The following TNIK variants were observed in gnomAD, a reference collection of about 807,000 sequenced individuals.
TNIK encodes TRAF2 and NCK-interacting protein kinase.
TNIK carries 49 observed loss-of-function variants against 191.3 expected under a neutral mutation model. The ratio of observed to expected loss-of-function variants is 0.26; its 90% CI spans 0.20 to 0.32. TNIK has a LOEUF of 0.32. TNIK is among the 10% of genes least tolerant of loss of function. TNIK has a pLI of 1.00. For synonymous variants in TNIK, 594 were observed against 600.9 expected (o/e 0.99, Z 0.17); for missense variants, 1,155 against 1,702.3 (o/e 0.68, Z 5.66).
At chr3:171,185,872 A>C (rs1385376778) in intron 7 of TNIK, among the ~76,000 whole-genome samples, 2 of 152,190 alleles carry the variant, frequency 1.3e-5, no homozygotes, top group African/African-American at 4.8e-5. Context: ...TTGTGGTAAG[A>C]AATCTAATAA....
chr3:171,220,717 C>T (rs1483938413), intron 3 of TNIK, among the ~76,000 whole-genome samples: 1 of 152,072 alleles, frequency 6.6e-6, no homozygotes, highest in Admixed American at 6.6e-5. Flanking sequence ...CACTAGGGGG[C>T]TAAGGGAATT....
At chr3:171,322,238 A>G (rs1297043501) in intron 2 of TNIK, among the ~76,000 whole-genome samples, 1 of 152,188 alleles carries the variant, frequency 6.6e-6, no homozygotes, top group East Asian at 1.9e-4. Context: ...GATTTTTTGT[A>G]GATTCACAGA....
chr3:171,415,708 C>T (rs545500115), intron 1 of TNIK, among the ~76,000 whole-genome samples: 7 of 151,868 alleles, frequency 4.6e-5, no homozygotes, highest in South Asian at 2.1e-4. Context: ...TAGCTGGGCA[C>T]GATGACTCAA....
chr3:171,156,869 A>G (rs758290553), intron 12 of TNIK, among the ~76,000 whole-genome samples: 4 of 152,248 alleles, frequency 2.6e-5, no homozygotes, highest in Non-Finnish European at 5.9e-5. Context: ...CTACTCTTCC[A>G]TACTTGAAAT....
intron 16 of TNIK, 53 bp downstream of exon 16, chr3:171,128,661 G>C (rs532331931): frequency 6.5e-7 from 1 of 1,549,108 alleles, no homozygotes; most frequent in East Asian, 2.3e-5. Context: ...TTTAATAATA[G>C]GTTTTCTTGT....
chr3:171,233,516 C>G (rs575248452), intron 2 of TNIK, among the ~76,000 whole-genome samples: 2 of 152,230 alleles, frequency 1.3e-5, no homozygotes, highest in Admixed American at 1.3e-4. Flanking sequence ...TTCTCGAGTA[C>G]AGACTGAAGT....
chr3:171,327,095 A>G (rs1755855232), intron 2 of TNIK, among the ~76,000 whole-genome samples: 1 of 152,230 alleles, frequency 6.6e-6, no homozygotes, highest in South Asian at 2.1e-4. Flanking sequence ...CTACTTTAAG[A>G]TAAAAATGAT....
chr3:171,382,077 C>A (rs375717460), intron 1 of TNIK, among the ~76,000 whole-genome samples: 1 of 152,108 alleles, frequency 6.6e-6, no homozygotes, highest in African/African-American at 2.4e-5. Context: ...CAGCTGAAAT[C>A]TAATTGATTT....
At chr3:171,171,800 G>A (rs1377354408) in intron 9 of TNIK, among the ~76,000 whole-genome samples, 12 of 152,298 alleles carry the variant, frequency 7.9e-5, no homozygotes, top group Admixed American at 6.5e-5. Flanking sequence ...ATCTACGCAC[G>A]CACAAGAGAC....
At chr3:171,135,093 A>T (rs921011898) in intron 15 of TNIK, among the ~76,000 whole-genome samples, 2 of 152,224 alleles carry the variant, frequency 1.3e-5, no homozygotes, top group African/African-American at 4.8e-5. Context: ...TGCATTTGAA[A>T]AAAAGAAAAT....
intron 22 of TNIK, among the ~76,000 whole-genome samples, chr3:171,101,104 AG>A (rs1723475584): frequency 6.6e-6 from 1 of 152,052 alleles, no homozygotes; most frequent in Non-Finnish European, 1.5e-5. Context: ...CCATGATTTC[AG>A]TGTTTCAGTT....
intron 2 of TNIK, among the ~76,000 whole-genome samples, chr3:171,241,620 T>G (rs958757530): frequency 1.3e-5 from 2 of 152,190 alleles, no homozygotes; most frequent in Admixed American, 1.3e-4. Flanking sequence ...ATGCTTTATT[T>G]AAATATTAGC....
At chr3:171,198,885 A>T (rs1202796469) in intron 4 of TNIK, among the ~76,000 whole-genome samples, 1 of 152,182 alleles carries the variant, frequency 6.6e-6, no homozygotes, top group Non-Finnish European at 1.5e-5. Context: ...TCCCATTTTG[A>T]AAAGTACATT....
chr3:171,325,435 G>C (rs994304136), intron 2 of TNIK, among the ~76,000 whole-genome samples: 3 of 151,988 alleles, frequency 2.0e-5, no homozygotes, highest in Non-Finnish European at 2.9e-5. Flanking sequence ...AAAACTTCAG[G>C]AAACACAATT....
Position 171,079,501 on chromosome 3 carries a change from C to A in TNIK, c.3448+17G>T. 1 of 1,605,500 alleles carries A rather than the reference C, an allele frequency of 6.2e-7. No homozygotes were observed. Among genetic ancestry groups the A allele is most frequent in the East Asian group, 2.2e-5 (1 of 44,796 alleles). On this transcript the variant is annotated intron_variant, in intron 28 of 32. Coordinates refer to ENST00000436636, the MANE Select transcript of TNIK (RefSeq NM_015028.4). ...AGTAAACAGACCAAACTTATAATTC[C>A]ATGTCTTGAGACTTACCAACTTTAT... is the stretch of plus-strand genomic sequence containing the variant.
intron 4 of TNIK, among the ~76,000 whole-genome samples, chr3:171,201,123 G>A (rs1023034215): frequency 6.6e-5 from 10 of 152,290 alleles, no homozygotes; most frequent in African/African-American, 2.2e-4. Context: ...ATAGGGGCTG[G>A]GCACAGTGGC....
At chr3:171,137,108 C>CTTT (rs71176593) in intron 15 of TNIK, among the ~76,000 whole-genome samples, 2,329 of 103,986 alleles carry the variant, frequency 0.022, 42 homozygotes, top group African/African-American at 0.037. Context: ...TTTAAAAATC[C>CTTT]TTTTTTTTTT....
Position 171,276,260 on chromosome 3 carries a change from C to A in TNIK, c.124-48039G>T, listed in dbSNP as rs1394258300. On this transcript the variant is annotated intron_variant, in intron 2 of 32. Coordinates refer to ENST00000436636, the MANE Select transcript of TNIK (RefSeq NM_015028.4). Reference sequence around the variant, plus strand: ...GGAAGATCATTGAAGATATGTACAACCAAAATGAAGGAGTGAACCTGAAAT... The same window carrying A: ...GGAAGATCATTGAAGATATGTACAAACAAAATGAAGGAGTGAACCTGAAAT... 2.6e-5 allele frequency among the ~76,000 whole-genome samples: 4 copies of A among 152,230 alleles called. No homozygotes were observed. In the East Asian group the frequency reaches 7.7e-4, roughly 29 times the overall value.
chr3:171,257,139 G>C (rs1746978211), intron 2 of TNIK, among the ~76,000 whole-genome samples: 1 of 152,172 alleles, frequency 6.6e-6, no homozygotes. Context: ...CTCAAAAGAA[G>C]ACTGCTCACC....
Sources: allele counts gnomAD v4.1 joint callset (sites outside exome capture counted in the v4.1 genomes callset), GRCh38; gene constraint gnomAD v4.1.1; transcripts MANE v1.5; gene names NCBI Gene and HGNC (gene_info 2026-07-23, HGNC 2026-07-21).